The following VSNL1 variants were observed in gnomAD, a reference collection of about 807,000 sequenced individuals.
The protein encoded by VSNL1 is visinin-like protein 1.
In VSNL1, 6 loss-of-function variants were observed where a neutral mutation model predicts 20.4. The ratio of observed to expected loss-of-function variants is 0.29; its 90% CI spans 0.16 to 0.58. VSNL1 has a LOEUF of 0.58. Among genes scored for constraint, VSNL1 ranks in the 20% least tolerant of loss-of-function variants. VSNL1 has a pLI of 0.90. For synonymous variants in VSNL1, 93 were observed against 86.4 expected (o/e 1.08, Z -0.42); for missense variants, 100 against 234.5 (o/e 0.43, Z 3.75).
chr2:17,636,722 A>AT (rs60673857), intron 2 of VSNL1, among the ~76,000 whole-genome samples: 26 of 151,426 alleles, frequency 1.7e-4, no homozygotes, highest in East Asian at 9.9e-4. Context: ...ATTAAAAACT[A>AT]TTTTTTTTTT....
rs560783407 is a variant in VSNL1 at position 17,583,522 on chromosome 2, A to G, written c.-5-8548A>G. Among the ~76,000 whole-genome samples, 3 of 152,336 alleles carry G rather than the reference A, an allele frequency of 2.0e-5. No homozygotes were observed. In the East Asian group the frequency reaches 5.8e-4, roughly 29 times the overall value. ...AAACCAATTCTCAGAAACACATAGG[A>G]TGGTCAGAGACAGTACACATAGGGA... On this transcript the variant is annotated intron_variant, in intron 1 of 3. Transcript: ENST00000295156.
At chr2:17,553,333 T>C (rs62130457) in intron 1 of VSNL1, among the ~76,000 whole-genome samples, 4,455 of 152,280 alleles carry the variant, frequency 0.029, 64 homozygotes, top group Middle Eastern at 0.054. Context: ...TCTGTAACTT[T>C]GAAATTATCT....
intron 2 of VSNL1, among the ~76,000 whole-genome samples, chr2:17,610,479 A>G (rs1421394584): frequency 6.6e-6 from 1 of 152,210 alleles, no homozygotes; most frequent in African/African-American, 2.4e-5. Flanking sequence ...TGGTGATGAA[A>G]AGAAGGAACT....
chr2:17,574,697 A>C (rs1664164175), intron 1 of VSNL1, among the ~76,000 whole-genome samples: 1 of 152,158 alleles, frequency 6.6e-6, no homozygotes, highest in African/African-American at 2.4e-5. Context: ...CCATGCTGTA[A>C]TCTTTGGGTT....
chr2:17,578,536 A>G (rs1187601510), intron 1 of VSNL1, among the ~76,000 whole-genome samples: 1 of 152,208 alleles, frequency 6.6e-6, no homozygotes, highest in Non-Finnish European at 1.5e-5. Flanking sequence ...AGTGAAAGTG[A>G]CACAGGCCCA....
intron 1 of VSNL1, among the ~76,000 whole-genome samples, chr2:17,547,443 G>A (rs1663428591): frequency 6.6e-6 from 1 of 152,040 alleles, no homozygotes; most frequent in Non-Finnish European, 1.5e-5. Flanking sequence ...GAATCAAATA[G>A]TGAACAGTTT....
At chr2:17,595,374 C>G (rs1029913978) in intron 2 of VSNL1, among the ~76,000 whole-genome samples, 2 of 152,160 alleles carry the variant, frequency 1.3e-5, no homozygotes, top group Non-Finnish European at 2.9e-5. Context: ...AGATGTGATT[C>G]ACCACAATGT....
At chr2:17,543,037 C>T (rs190183215) in intron 1 of VSNL1, among the ~76,000 whole-genome samples, 1 of 152,326 alleles carries the variant, frequency 6.6e-6, no homozygotes, top group Non-Finnish European at 1.5e-5. Context: ...CTGCAGACTT[C>T]AAATAAATAA....
At chr2:17,565,939 A>T (rs1439435762) in intron 1 of VSNL1, among the ~76,000 whole-genome samples, 2 of 152,070 alleles carry the variant, frequency 1.3e-5, no homozygotes, top group Admixed American at 1.3e-4. Context: ...ATGGGCACTG[A>T]TTCTTCTCTC....
At chr2:17,568,681 A>G (rs1664012391) in intron 1 of VSNL1, among the ~76,000 whole-genome samples, 2 of 152,054 alleles carry the variant, frequency 1.3e-5, no homozygotes, top group Admixed American at 1.3e-4. Context: ...TTCTTTACTC[A>G]TCGTTGCTTC....
intron 1 of VSNL1, among the ~76,000 whole-genome samples, chr2:17,554,934 G>A (rs1021350413): frequency 2.0e-5 from 3 of 152,102 alleles, no homozygotes; most frequent in Non-Finnish European, 4.4e-5. Context: ...CTTTGCAAAT[G>A]TATATTTTAA....
At chr2:17,586,445 C>T (rs1217841492) in intron 1 of VSNL1, among the ~76,000 whole-genome samples, 2 of 152,174 alleles carry the variant, frequency 1.3e-5, no homozygotes, top group South Asian at 4.1e-4. Flanking sequence ...CACCTGGGGA[C>T]CGGTGACAGG....
chr2:17,612,962 G>A (rs1380822324), intron 2 of VSNL1, among the ~76,000 whole-genome samples: 2 of 152,178 alleles, frequency 1.3e-5, no homozygotes, highest in Admixed American at 6.5e-5. Flanking sequence ...GTGCAGTGCA[G>A]TGCAGTGCAG....
intron 2 of VSNL1, among the ~76,000 whole-genome samples, chr2:17,607,428 C>T (rs1399940075): frequency 6.6e-6 from 1 of 152,200 alleles, no homozygotes; most frequent in Non-Finnish European, 1.5e-5. Context: ...AGTGAACACC[C>T]TGTTCAAGGG....
chr2:17,620,653 C>T (rs1665333230), intron 2 of VSNL1, among the ~76,000 whole-genome samples: 1 of 152,188 alleles, frequency 6.6e-6, no homozygotes, highest in Non-Finnish European at 1.5e-5. Context: ...GAGCATTATG[C>T]TATTCATGAT....
At position 17,581,352 on chromosome 2, in the gene VSNL1, T is replaced by G. The variant is rs538749964; in HGVS notation, c.-5-10718T>G. On this transcript the variant is annotated intron_variant, in intron 1 of 3. Transcript: ENST00000295156. Reference sequence around the variant, plus strand: ...TACAGAGTTTATTTGTACATTTGTGTGTTTTCACTTAAATAAATGACATTG... The same window carrying G: ...TACAGAGTTTATTTGTACATTTGTGGGTTTTCACTTAAATAAATGACATTG... Among the ~76,000 whole-genome samples, 276 of 152,308 alleles carry G rather than the reference T, an allele frequency of 1.8e-3. 1 individual carries two copies. The highest frequency in any genetic ancestry group is 2.9e-3 in the Non-Finnish European group (195 of 68,020).
intron 2 of VSNL1, among the ~76,000 whole-genome samples, chr2:17,597,589 A>G (rs1434302473): frequency 6.6e-6 from 1 of 152,108 alleles, no homozygotes; most frequent in African/African-American, 2.4e-5. Context: ...ATTTTAATAA[A>G]ATATATTTGC....
intron 2 of VSNL1, among the ~76,000 whole-genome samples, chr2:17,599,430 C>A (rs1404720473): frequency 6.6e-6 from 1 of 152,136 alleles, no homozygotes; most frequent in Non-Finnish European, 1.5e-5. Context: ...TGGCTGGAGG[C>A]CCACTGGGTC....
intron 1 of VSNL1, among the ~76,000 whole-genome samples, chr2:17,571,271 G>A (rs4832496): frequency 0.29 from 44,717 of 151,970 alleles, 8,363 homozygotes; most frequent in East Asian, 0.87. Context: ...CTATCTAGCC[G>A]GAACCTAACA....
Sources: gnomAD v4.1 joint callset for allele counts (sites outside exome capture counted in the v4.1 genomes callset) on GRCh38, gnomAD v4.1.1 for gene constraint, MANE v1.5 for transcripts, NCBI Gene and HGNC (gene_info 2026-07-23, HGNC 2026-07-21) for gene names.